NSG1: variants seen among roughly 807,000 people sequenced by gnomAD.
The protein encoded by NSG1 is neuronal vesicle trafficking-associated protein 1.
In NSG1, 9 loss-of-function variants were observed where a neutral mutation model predicts 19.3. The ratio of observed to expected loss-of-function variants is 0.47; its 90% CI spans 0.28 to 0.81. The LOEUF is 0.81. NSG1 is among the 40% of genes least tolerant of loss of function. The pLI is 0.11. For missense variants in NSG1, 236 were observed against 242.4 expected, an observed-to-expected ratio of 0.97 and a Z score of 0.18; for synonymous variants, 104 against 107.0, an observed-to-expected ratio of 0.97 and a Z score of 0.17.
At chr4:4,409,356 A>G (rs1184689444) in intron 3 of NSG1, among the ~76,000 whole-genome samples, 3 of 152,254 alleles carry the variant, frequency 2.0e-5, no homozygotes. Flanking sequence ...TTTAAAATGA[A>G]TGTCACTTAT....
intron 2 of NSG1, among the ~76,000 whole-genome samples, chr4:4,390,817 G>C (rs1722951314): frequency 6.6e-6 from 1 of 152,172 alleles, no homozygotes; most frequent in Non-Finnish European, 1.5e-5. Context: ...AGCTGCTGGG[G>C]TGTAGGGCAG....
At chr4:4,395,785 A>C (rs1184745669) in intron 3 of NSG1, among the ~76,000 whole-genome samples, 1 of 152,132 alleles carries the variant, frequency 6.6e-6, no homozygotes, top group Non-Finnish European at 1.5e-5. Context: ...GCAGGAATGG[A>C]ATCTCGCCTT....
At chr4:4,414,521 A>G (rs56933446) in intron 4 of NSG1, among the ~76,000 whole-genome samples, 56,207 of 151,742 alleles carry the variant, frequency 0.37, 14,210 homozygotes, top group African/African-American at 0.72. Context: ...AAGGAGAGGC[A>G]TGAGCTCATG....
At chr4:4,416,062 T>G in intron 4 of NSG1, 1 of 702,276 alleles carries the variant, frequency 1.4e-6, no homozygotes, top group East Asian at 2.7e-5. Flanking sequence ...CACTGTGACC[T>G]GGGGCACATC....
intron 3 of NSG1, among the ~76,000 whole-genome samples, chr4:4,408,525 A>G (rs1283805456): frequency 1.3e-5 from 2 of 152,208 alleles, no homozygotes; most frequent in African/African-American, 4.8e-5. Context: ...CAGTGGCACT[A>G]TCTCAGCTCA....
chr4:4,402,371 A>ATGTTTTTT (rs1723598188), intron 3 of NSG1, among the ~76,000 whole-genome samples: 1 of 53,912 alleles, frequency 1.9e-5, no homozygotes, highest in African/African-American at 6.1e-5. Context: ...ACGCCTGGTT[A>ATGTTTTTT]TTTTTTTTTT....
At chr4:4,397,039 C>CTGTGTGTGTG (rs61613589) in intron 3 of NSG1, among the ~76,000 whole-genome samples, 71,126 of 150,006 alleles carry the variant, frequency 0.47, 19,776 homozygotes, top group East Asian at 0.87. Flanking sequence ...GTTCAGTCAT[C>CTGTGTGTGTG]TGTGTGTGTG....
rs1448374396 is a variant in NSG1 at position 4,402,090 on chromosome 4, T to G, written c.247-7483T>G. 1.0e-4 allele frequency among the ~76,000 whole-genome samples: 15 copies of G among 150,600 alleles called. No homozygotes were observed. In the East Asian group the frequency reaches 2.9e-3, roughly 29 times the overall value. On this transcript the variant is annotated intron_variant, in intron 3 of 4. Transcript: ENST00000621129. ...TTTTGGCAGAAATGAGTTATCCCTATGTTGCCCAGGCTGGTCTCGAACTCC... is the reference window on the plus strand; with the variant it reads ...TTTTGGCAGAAATGAGTTATCCCTAGGTTGCCCAGGCTGGTCTCGAACTCC...
At chr4:4,414,887 A>G (rs1724433568) in intron 4 of NSG1, among the ~76,000 whole-genome samples, 2 of 151,970 alleles carry the variant, frequency 1.3e-5, no homozygotes, top group Non-Finnish European at 2.9e-5. Context: ...GCTGAGGCAT[A>G]TCGTGAGGAG....
At chr4:4,393,628 G>A (rs1323627983) in intron 3 of NSG1, among the ~76,000 whole-genome samples, 2 of 152,256 alleles carry the variant, frequency 1.3e-5, no homozygotes, top group African/African-American at 4.8e-5. Context: ...TGCTGGGTGT[G>A]TTCCTCTGCT....
At chr4:4,411,379 C>G (rs535117275) in intron 4 of NSG1, among the ~76,000 whole-genome samples, 53 of 152,358 alleles carry the variant, frequency 3.5e-4, no homozygotes, top group African/African-American at 1.3e-3. Flanking sequence ...TCACCGCCTT[C>G]TGCCTCCACA....
chr4:4,390,884 G>A (rs1466055643), intron 2 of NSG1, among the ~76,000 whole-genome samples: 2 of 152,098 alleles, frequency 1.3e-5, no homozygotes, highest in African/African-American at 4.8e-5. Context: ...AGTAGGGGGT[G>A]GAGGGGAATG....
intron 4 of NSG1, chr4:4,415,642 T>C (rs1345402914): frequency 6.5e-6 from 1 of 154,646 alleles, no homozygotes; most frequent in Non-Finnish European, 1.4e-5. Context: ...GGGGACTCCA[T>C]CTGTCCTTCT....
intron 2 of NSG1, among the ~76,000 whole-genome samples, chr4:4,389,854 C>T (rs914600214): frequency 1.3e-5 from 2 of 152,196 alleles, no homozygotes; most frequent in Non-Finnish European, 2.9e-5. Context: ...GACACTTATT[C>T]TGCACCAGGA....
chr4:4,387,561 C>CGGGGGTGGGGGTGG, intron 1 of NSG1, 43 bp from the exon 2 acceptor site: 3 of 1,141,976 alleles, frequency 2.6e-6, no homozygotes, highest in Admixed American at 2.3e-5. Flanking sequence ...CGCCCCGCCC[C>CGGGGGTGGGGGTGG]GGGTCTTGCT....
chr4:4,408,555 G>A (rs1023908136), intron 3 of NSG1, among the ~76,000 whole-genome samples: 4 of 152,194 alleles, frequency 2.6e-5, no homozygotes, highest in Non-Finnish European at 5.9e-5. Flanking sequence ...CTGCCTCCTG[G>A]GTTCAAGCGA....
rs748396547 is a variant in NSG1, at chr4:4,417,662, G to A, written c.*227G>A. ...AAAGAGCTCTGACACCACTTTTCATGTTAAGATCTTCATTTAGCTCCTTTA... is the reference window on the plus strand; with the variant it reads ...AAAGAGCTCTGACACCACTTTTCATATTAAGATCTTCATTTAGCTCCTTTA... On this transcript the variant is annotated 3_prime_UTR_variant, in exon 5 of 5. Transcript: ENST00000621129. The A allele has an allele frequency of 5.5e-6, 3 of 548,318 alleles. No individual in the cohort carries two copies. Among genetic ancestry groups the A allele is most frequent in the Admixed American group, 3.3e-5 (1 of 30,138 alleles). 34.0% of individuals were successfully genotyped at this position (548,318 alleles called of 1,614,324 possible). A position where few individuals can be genotyped will look rare whatever the true frequency, so the allele number is the denominator to read the frequency against.
chr4:4,407,364 G>C (rs1723923422), intron 3 of NSG1, among the ~76,000 whole-genome samples: 1 of 152,106 alleles, frequency 6.6e-6, no homozygotes, highest in African/African-American at 2.4e-5. Flanking sequence ...GGTCTCATTG[G>C]AGTTGTAGTG....
At position 4,418,784 on chromosome 4, in the gene NSG1, G is replaced by A. The variant is rs1224384843; in HGVS notation, c.*1349G>A. The A allele has an allele frequency of 6.6e-6, 1 of 152,516 alleles. No individual in the cohort carries two copies. Among genetic ancestry groups the A allele is most frequent in the African/African-American group, 2.4e-5 (1 of 41,426 alleles). The allele number at this position is 152,516 out of a possible 1,614,324, so 9.4% of individuals were successfully genotyped here. Reference sequence around the variant, plus strand: ...ACAGAAAATGTATTTTCTCATCAAGGGTGTCTGGAGACACAGACCGTGACC... The same window carrying A: ...ACAGAAAATGTATTTTCTCATCAAGAGTGTCTGGAGACACAGACCGTGACC... On this transcript the variant is annotated 3_prime_UTR_variant, in exon 5 of 5. Coordinates refer to ENST00000621129, the MANE Select transcript of NSG1 (RefSeq NM_014392.5).
Sources: gnomAD v4.1 joint callset for allele counts (sites outside exome capture counted in the v4.1 genomes callset) on GRCh38, gnomAD v4.1.1 for gene constraint, MANE v1.5 for transcripts, NCBI Gene and HGNC (gene_info 2026-07-23, HGNC 2026-07-21) for gene names.